The following TRPC1 variants were observed in gnomAD, a reference collection of about 807,000 sequenced individuals.
The protein encoded by TRPC1 is short transient receptor potential channel 1.
In TRPC1, 42 loss-of-function variants were observed where a neutral mutation model predicts 88.2. That is an observed-to-expected ratio of 0.48 (90% CI 0.37 to 0.62). TRPC1 has a LOEUF of 0.62. Among genes scored for constraint, TRPC1 ranks in the 20% least tolerant of loss-of-function variants. The pLI, the probability that TRPC1 is intolerant of heterozygous loss-of-function variation, is 0.00. For missense variants in TRPC1, 699 were observed against 957.3 expected, an observed-to-expected ratio of 0.73 and a Z score of 3.56; for synonymous variants, 288 against 331.8, an observed-to-expected ratio of 0.87 and a Z score of 1.43.
At chr3:142,751,135 A>G (rs372578842) in intron 4 of TRPC1, among the ~76,000 whole-genome samples, 2 of 152,200 alleles carry the variant, frequency 1.3e-5, no homozygotes, top group African/African-American at 2.4e-5. Flanking sequence ...AACTTTAAAA[A>G]TATACATTTA....
chr3:142,755,014 TTGTTCAATCCCAA>T (rs1394749996), intron 4 of TRPC1, among the ~76,000 whole-genome samples: 2 of 152,204 alleles, frequency 1.3e-5, no homozygotes, highest in Non-Finnish European at 2.9e-5. Flanking sequence ...AAGGGAAGTA[TTGTTCAATCCCAA>T]TTTTCAATCC....
At position 142,804,072 on chromosome 3, in the gene TRPC1, A is replaced by T. The variant is rs756140589; in HGVS notation, c.1853A>T (p.Gln618Leu). 1 of 1,613,918 alleles carries T rather than the reference A, an allele frequency of 6.2e-7. No individual in the cohort carries two copies. The highest frequency in any genetic ancestry group is 8.5e-7 in the Non-Finnish European group (1 of 1,179,888). ...VTRFSYGEEL[Q>L]SFVGAVIVGT... ...AGATTTAGCTATGGAGAAGAACTGCAGTCCTTTGTGGGAGCTGTCATTGTT... is the reference window on the plus strand; with the variant it reads ...AGATTTAGCTATGGAGAAGAACTGCTGTCCTTTGTGGGAGCTGTCATTGTT... Residue 618 changes from glutamine (Q) to leucine (L), a missense_variant, in exon 11 of 13, where the codon CAG becomes CTG. By Grantham distance (113) the Gln-to-Leu change is moderately radical (BLOSUM62 -2). This residue lies in a region of TRPC1 where 426 missense variants were observed against 641.3 expected (regional missense o/e 0.66). Coordinates refer to ENST00000476941, the MANE Select transcript of TRPC1 (RefSeq NM_001251845.2).
intron 1 of TRPC1, among the ~76,000 whole-genome samples, chr3:142,735,955 A>G (rs932437793): frequency 7.2e-5 from 11 of 151,992 alleles, no homozygotes; most frequent in Admixed American, 2.0e-4. Context: ...TTTTAACTCT[A>G]TGTTATGTAA....
In TRPC1 at chr3:142,784,939, T is replaced by A. The variant is rs1936084209; in HGVS notation, c.1196T>A (p.Leu399Gln). The change falls in exon 7 of 13, where the codon CTG (leucine) becomes CAG (glutamine). Residue 399 changes from leucine to glutamine, a missense_variant. Leu to Gln is a moderately radical substitution (Grantham distance 113, BLOSUM62 -2). Transcript: ENST00000476941. ...GGAGCATCATATTTCACATTTCTGC[T>A]GTTGCTTAATCTATACTCTCTTGTC... The part of the protein sequence containing the change: ...IHGASYFTFL[L>Q]LLNLYSLVYN... 6.2e-7 allele frequency: 1 copy of A among 1,613,934 alleles called. No homozygotes were observed.
At chr3:142,741,676 A>G (rs1934354494) in intron 2 of TRPC1, among the ~76,000 whole-genome samples, 1 of 152,142 alleles carries the variant, frequency 6.6e-6, no homozygotes, top group Non-Finnish European at 1.5e-5. Flanking sequence ...CCAGATATTC[A>G]TCATTTATGG....
intron 1 of TRPC1, among the ~76,000 whole-genome samples, chr3:142,735,553 C>G (rs1217816114): frequency 2.0e-5 from 3 of 152,144 alleles, no homozygotes; most frequent in Non-Finnish European, 4.4e-5. Context: ...CCTGTACCAT[C>G]TGGTCAGCAG....
At chr3:142,743,294 A>G (rs1934420738) in intron 2 of TRPC1, among the ~76,000 whole-genome samples, 191 bp from the exon 3 acceptor site, 1 of 152,036 alleles carries the variant, frequency 6.6e-6, no homozygotes, top group Non-Finnish European at 1.5e-5. Flanking sequence ...AAACGTGTGT[A>G]TTGTGGTACA....
chr3:142,804,324 G>A, intron 11 of TRPC1, 112 bp from the exon 12 acceptor site: 1 of 1,155,178 alleles, frequency 8.7e-7, no homozygotes, highest in Non-Finnish European at 1.2e-6. Flanking sequence ...TGTAAGTAAT[G>A]TATAATAATT....
chr3:142,769,667 A>G (rs1277604723), intron 4 of TRPC1, among the ~76,000 whole-genome samples: 1 of 152,004 alleles, frequency 6.6e-6, no homozygotes, highest in Admixed American at 6.6e-5. Flanking sequence ...TAATTTCCAC[A>G]TATTTGTGGG....
At chr3:142,783,798 G>T (rs971220466) in intron 6 of TRPC1, among the ~76,000 whole-genome samples, 1 of 152,006 alleles carries the variant, frequency 6.6e-6, no homozygotes, top group East Asian at 1.9e-4. Flanking sequence ...TATTATTGTG[G>T]ATTACCTGAA....
At chr3:142,752,658 C>G (rs1934816199) in intron 4 of TRPC1, among the ~76,000 whole-genome samples, 1 of 152,090 alleles carries the variant, frequency 6.6e-6, no homozygotes. Flanking sequence ...TCAGGTCTTT[C>G]TCATCCCACG....
chr3:142,724,848 C>G lies in TRPC1; in HGVS notation c.172+117C>G. On this transcript the variant is annotated intron_variant, in intron 1 of 12. Coordinates refer to ENST00000476941, the MANE Select transcript of TRPC1 (RefSeq NM_001251845.2). This position sits in a 1 kb window ranked among gnomAD's most constrained non-coding sequence, Gnocchi z 5.6. Reference sequence around the variant, plus strand: ...CTGTCTCAGGCGCCGAGTGTCTTCCCGCCTCGCCTGCTGCCTCAGGCGGTC... The same window carrying G: ...CTGTCTCAGGCGCCGAGTGTCTTCCGGCCTCGCCTGCTGCCTCAGGCGGTC... The G allele has an allele frequency of 1.1e-5, 13 of 1,231,528 alleles. No individual in the cohort carries two copies. The highest frequency in any genetic ancestry group is 1.4e-5 in the Non-Finnish European group (13 of 931,690). The allele number at this position is 1,231,528 out of a possible 1,614,324, so 76.3% of individuals were successfully genotyped here. A position where few individuals can be genotyped will look rare whatever the true frequency, so the allele number is the denominator to read the frequency against.
chr3:142,772,239 G>T (rs961480131), intron 4 of TRPC1, among the ~76,000 whole-genome samples: 1 of 152,018 alleles, frequency 6.6e-6, no homozygotes, highest in Non-Finnish European at 1.5e-5. Flanking sequence ...TTATTTCTTT[G>T]AATATTTTTC....
intron 6 of TRPC1, among the ~76,000 whole-genome samples, chr3:142,783,049 T>A (rs1273948396): frequency 1.3e-5 from 2 of 152,166 alleles, no homozygotes; most frequent in African/African-American, 2.4e-5. Flanking sequence ...AATTGAAGAG[T>A]AGGAAATTTT....
chr3:142,750,573 C>A (rs1934722013), intron 4 of TRPC1, among the ~76,000 whole-genome samples: 2 of 152,110 alleles, frequency 1.3e-5, no homozygotes, highest in Admixed American at 1.3e-4. Flanking sequence ...GGATATATAC[C>A]CAAAGGATTA....
In TRPC1 at chr3:142,748,221, A is replaced by G. The variant is rs1934628079; in HGVS notation, c.430-37A>G. 3 of 1,546,960 alleles carry G rather than the reference A, an allele frequency of 1.9e-6. No homozygotes were observed. The highest frequency in any genetic ancestry group is 2.7e-6 in the Non-Finnish European group (3 of 1,125,822). ...GATAAATATATTTTTTGAAGTCACAAATAATAACTTTGGACATTTATATAA... is the reference window on the plus strand; with the variant it reads ...GATAAATATATTTTTTGAAGTCACAGATAATAACTTTGGACATTTATATAA... On this transcript the variant is annotated intron_variant, in intron 3 of 12. Transcript: ENST00000476941.
intron 1 of TRPC1, among the ~76,000 whole-genome samples, chr3:142,727,455 AAG>A (rs1933729387): frequency 6.6e-6 from 1 of 152,180 alleles, no homozygotes; most frequent in Non-Finnish European, 1.5e-5. Context: ...AAATGTAGGA[AAG>A]AGAAAAGAAA....
At chr3:142,756,561 G>A (rs1258128131) in intron 4 of TRPC1, among the ~76,000 whole-genome samples, 5 of 151,808 alleles carry the variant, frequency 3.3e-5, no homozygotes, top group South Asian at 2.1e-4. Context: ...GGGTTTCACC[G>A]TGTTAGCCAG....
At position 142,791,098 on chromosome 3, in the gene TRPC1, T is replaced by C. The variant is rs886072318; in HGVS notation, c.1377T>C (p.Ser459=). 1 of 1,610,578 alleles carries C rather than the reference T, an allele frequency of 6.2e-7. No homozygotes were observed. Among genetic ancestry groups the C allele is most frequent in the African/African-American group, 1.3e-5 (1 of 74,850 alleles). The part of the protein sequence containing the change: ...DFLEESRNQL[S]FVMNSLYLAT... ...TAGAAGAATCTCGTAATCAACTCAG[T>C]TTTGTCATGAATTCTCTTTATTTGG... The change falls in exon 8 of 13, where the codon AGT becomes AGC. Residue 459 remains serine, a synonymous_variant. Transcript: ENST00000476941.
Sources: allele counts gnomAD v4.1 joint callset (sites outside exome capture counted in the v4.1 genomes callset), GRCh38; gene constraint gnomAD v4.1.1; regional missense constraint gnomAD v4.1.1; non-coding constraint Gnocchi (gnomAD v3.1); transcripts MANE v1.5; gene names NCBI Gene and HGNC (gene_info 2026-07-23, HGNC 2026-07-21).